The following WDR64 variants were observed in gnomAD, a reference collection of about 807,000 sequenced individuals.
WDR64 encodes WD repeat-containing protein 64.
A neutral mutation model predicts 139.3 loss-of-function variants in WDR64; 112 were observed. The observed-to-expected ratio is 0.80, with a 90% CI of 0.69 to 0.94. WDR64 has a LOEUF of 0.94. WDR64 is among the 40% of genes least tolerant of loss of function. The probability of loss-of-function intolerance (pLI) is 0.00; values close to 1 mark genes in which losing one functional copy is unlikely to be tolerated. For missense variants in WDR64, 1,206 were observed against 1,293.1 expected (o/e 0.93, Z 1.03); for synonymous variants, 444 against 437.7 (o/e 1.01, Z -0.18).
At chr1:241,751,391 T>G (rs777443093) in intron 14 of WDR64, among the ~76,000 whole-genome samples, 1 of 152,018 alleles carries the variant, frequency 6.6e-6, no homozygotes, top group Non-Finnish European at 1.5e-5. Context: ...GAGCTGAGAG[T>G]GGAATGGAGG....
intron 8 of WDR64, among the ~76,000 whole-genome samples, chr1:241,690,431 A>G (rs557321107): frequency 2.0e-5 from 3 of 152,104 alleles, no homozygotes; most frequent in African/African-American, 4.8e-5. Flanking sequence ...AGATCACACC[A>G]CTGCACTCCA....
chr1:241,681,979 G>T (rs1666814868), intron 6 of WDR64, among the ~76,000 whole-genome samples: 4 of 151,654 alleles, frequency 2.6e-5, no homozygotes, highest in South Asian at 2.1e-4. Flanking sequence ...GAGATTGTTT[G>T]TTTTTTTTCT....
chr1:241,701,414 G>A (rs10926541), intron 8 of WDR64, among the ~76,000 whole-genome samples: 83,274 of 152,050 alleles, frequency 0.55, 23,063 homozygotes, highest in South Asian at 0.58. Context: ...GGGGCATTAA[G>A]TTCCTACTCT....
At chr1:241,728,841 A>G (rs1053257149) in intron 10 of WDR64, among the ~76,000 whole-genome samples, 1 of 142,976 alleles carries the variant, frequency 7.0e-6, no homozygotes, top group African/African-American at 2.7e-5. Flanking sequence ...TTTTCTATGA[A>G]GGGGAGAAAT....
intron 14 of WDR64, among the ~76,000 whole-genome samples, chr1:241,750,931 A>G (rs1387260395): frequency 6.6e-6 from 1 of 152,174 alleles, no homozygotes; most frequent in Non-Finnish European, 1.5e-5. Flanking sequence ...TTAATGTTGG[A>G]GCGGGCAGCT....
At chr1:241,746,758 GTTC>G (rs1473358238) in intron 13 of WDR64, among the ~76,000 whole-genome samples, 4 of 134,662 alleles carry the variant, frequency 3.0e-5, no homozygotes, top group Non-Finnish European at 6.3e-5. Context: ...TTCCATTTCA[GTTC>G]TTTTTTTTTT....
chr1:241,771,941 C>CATACATATATATATATATATATATATAT (rs1209536065), intron 19 of WDR64, among the ~76,000 whole-genome samples: 1 of 28,968 alleles, frequency 3.5e-5, no homozygotes, highest in East Asian at 5.9e-4. Flanking sequence ...TACATACATA[C>CATACATATATATATATATATATATATAT]ATACATATAT....
chr1:241,741,187 C>T (rs1364743643), intron 11 of WDR64, among the ~76,000 whole-genome samples: 1 of 152,152 alleles, frequency 6.6e-6, no homozygotes, highest in Non-Finnish European at 1.5e-5. Context: ...AGGCATGCTG[C>T]AGGCACAATA....
intron 2 of WDR64, among the ~76,000 whole-genome samples, chr1:241,661,767 G>A (rs1304495090): frequency 6.6e-6 from 1 of 152,142 alleles, no homozygotes; most frequent in Non-Finnish European, 1.5e-5. Context: ...ACAAGTCAGG[G>A]GAGAAAAAAT....
Position 241,660,525 on chromosome 1 carries a change from T to C in WDR64, c.146-5T>C. The C allele has an allele frequency of 6.4e-7, 1 of 1,551,370 alleles. No homozygotes were observed. The highest frequency in any genetic ancestry group is 8.7e-7 in the Non-Finnish European group (1 of 1,146,612). ...TGAAAATGGACTGTACTTTTTTCAA[T>C]GCAGATGCAATTGGTTATGACAAGT... is the stretch of plus-strand genomic sequence containing the variant. On this transcript the variant is annotated splice_polypyrimidine_tract_variant and splice_region_variant and intron_variant, in intron 1 of 27. Coordinates refer to ENST00000437684, the MANE Select transcript of WDR64 (RefSeq NM_001367482.1).
intron 21 of WDR64, among the ~76,000 whole-genome samples, chr1:241,779,654 T>G (rs560443199): frequency 6.6e-6 from 1 of 152,002 alleles, no homozygotes; most frequent in Non-Finnish European, 1.5e-5. Context: ...GGTGAAACCC[T>G]GTCTCTACTA....
In WDR64 at chr1:241,795,175, T is replaced by C. The variant is rs898780241; in HGVS notation, c.2998-32T>C. The C allele has an allele frequency of 1.9e-6, 3 of 1,602,212 alleles. No homozygotes were observed. The African/African-American group carries it at 4.0e-5, about 21-fold the overall frequency. On this transcript the variant is annotated intron_variant, in intron 25 of 27. Transcript: ENST00000437684. ...TTTTACCAGTGATAGGATGTGCCCC[T>C]TTCATTAAACATTCATCCCTTTGTT...
intron 3 of WDR64, among the ~76,000 whole-genome samples, chr1:241,672,892 C>G (rs1042847576): frequency 6.6e-6 from 1 of 152,092 alleles, no homozygotes; most frequent in African/African-American, 2.4e-5. Flanking sequence ...TGTACTGGGA[C>G]TTGTATGACA....
intron 8 of WDR64, among the ~76,000 whole-genome samples, chr1:241,702,176 A>G (rs1667741917): frequency 6.6e-6 from 1 of 152,232 alleles, no homozygotes; most frequent in African/African-American, 2.4e-5. Context: ...TCCAAGAGAT[A>G]TGCAACTAAC....
intron 2 of WDR64, among the ~76,000 whole-genome samples, chr1:241,669,249 T>C (rs1666133343): frequency 6.6e-6 from 1 of 152,242 alleles, no homozygotes; most frequent in Non-Finnish European, 1.5e-5. Flanking sequence ...GTCTGAACCC[T>C]GACCCTGGAC....
chr1:241,696,523 A>G (rs2148135863), intron 8 of WDR64, among the ~76,000 whole-genome samples: 1 of 152,184 alleles, frequency 6.6e-6, no homozygotes, highest in East Asian at 1.9e-4. Flanking sequence ...CTCCTTAATT[A>G]TATGGTAAAC....
At chr1:241,788,350 G>C (rs549046841) in intron 24 of WDR64, among the ~76,000 whole-genome samples, 52 of 152,198 alleles carry the variant, frequency 3.4e-4, no homozygotes, top group Non-Finnish European at 5.3e-4. Context: ...CAGAATGTGA[G>C]AGAGAAGCTA....
Position 241,711,824 on chromosome 1 carries a change from C to CCAAG in WDR64, c.998_1001dup (p.Arg334SerfsTer12). On this transcript the variant is annotated frameshift_variant, in exon 9 of 28. Transcript: ENST00000437684. LOFTEE classifies it high-confidence loss of function. The stretch of plus-strand genomic sequence containing the variant: ...CAGGCCTGTCAGAGAGTTTTCCATG[C>CCAAG]CAAGAGGAGCCAACACTTTTTGCTA... 1 of 1,614,132 alleles carries CCAAG rather than the reference C, an allele frequency of 6.2e-7. No homozygotes were observed. Among genetic ancestry groups the CCAAG allele is most frequent in the South Asian group, 1.1e-5 (1 of 91,066 alleles).
chr1:241,670,734 T>C (rs1376607009), intron 2 of WDR64, among the ~76,000 whole-genome samples: 1 of 152,146 alleles, frequency 6.6e-6, no homozygotes, highest in East Asian at 1.9e-4. Context: ...CACAGAAGCG[T>C]CAGCCCTGTT....
Sources: allele counts gnomAD v4.1 joint callset (sites outside exome capture counted in the v4.1 genomes callset), GRCh38; gene constraint gnomAD v4.1.1; transcripts MANE v1.5; gene names NCBI Gene and HGNC (gene_info 2026-07-23, HGNC 2026-07-21).